The following POGZ variants were observed in gnomAD, a reference collection of about 807,000 sequenced individuals.
POGZ encodes the protein pogo transposable element derived with ZNF domain, also known as pogo transposable element with ZNF domain.
In POGZ, 17 loss-of-function variants were observed where a neutral mutation model predicts 134.6. The observed-to-expected ratio is 0.13, with a 90% CI of 0.09 to 0.19. The LOEUF (loss-of-function observed/expected upper bound fraction) is 0.19. Among genes scored for constraint, POGZ ranks in the 10% least tolerant of loss-of-function variants. The probability of loss-of-function intolerance (pLI) is 1.00; values close to 1 mark genes in which losing one functional copy is unlikely to be tolerated. For missense variants in POGZ, 1,306 were observed against 1,769.7 expected (o/e 0.74, Z 4.70); for synonymous variants, 693 against 657.1 (o/e 1.05, Z -0.84).
At chr1:151,456,497 T>C (rs1216889464) in intron 1 of POGZ, among the ~76,000 whole-genome samples, 1 of 152,224 alleles carries the variant, frequency 6.6e-6, no homozygotes, top group Non-Finnish European at 1.5e-5. Context: ...CAAGTAAAAA[T>C]GCTACTCCAT....
chr1:151,451,372 G>A (rs1172795927), intron 1 of POGZ, among the ~76,000 whole-genome samples: 3 of 151,426 alleles, frequency 2.0e-5, no homozygotes. Flanking sequence ...TGTTGCCCAG[G>A]CTGGAGCCCA....
chr1:151,427,461 A>T, intron 7 of POGZ: 1 of 262,092 alleles, frequency 3.8e-6, no homozygotes, highest in Non-Finnish European at 7.6e-6. Context: ...CCCCTGCTCT[A>T]GACCACTGAA....
At chr1:151,454,754 G>C (rs781520345) in intron 1 of POGZ, among the ~76,000 whole-genome samples, 1 of 152,172 alleles carries the variant, frequency 6.6e-6, no homozygotes, top group Non-Finnish European at 1.5e-5. Context: ...TTTTAACTCT[G>C]CTAACACCTA....
rs755164093 is a variant in POGZ at position 151,430,848 on chromosome 1, G to C, written c.284-7C>G. The C allele has an allele frequency of 3.9e-6, 6 of 1,535,842 alleles. No homozygotes were observed. The East Asian group carries it at 1.0e-4, about 26-fold the overall frequency. On this transcript the variant is annotated splice_region_variant and splice_polypyrimidine_tract_variant and intron_variant, in intron 3 of 18. Coordinates refer to ENST00000271715, the MANE Select transcript of POGZ (RefSeq NM_015100.4). Reference sequence around the variant, plus strand: ...TGGACCAAAGGATTGCCAGCTAAAGGGTAAAGGAAGAAAAAAAAAAAGGAA... The same window carrying C: ...TGGACCAAAGGATTGCCAGCTAAAGCGTAAAGGAAGAAAAAAAAAAAGGAA...
intron 3 of POGZ, among the ~76,000 whole-genome samples, chr1:151,434,803 TG>T (rs1169571904): frequency 6.6e-6 from 1 of 151,942 alleles, no homozygotes; most frequent in Non-Finnish European, 1.5e-5. Flanking sequence ...AGGATGGTCT[TG>T]ATCTCCTGAC....
At chr1:151,410,550 T>C (rs778562879) in intron 12 of POGZ, among the ~76,000 whole-genome samples, 7 of 152,216 alleles carry the variant, frequency 4.6e-5, no homozygotes, top group Non-Finnish European at 8.8e-5. Context: ...GCTTTATAGA[T>C]AAGGGACTTC....
rs1422723162 is a variant in POGZ at position 151,403,684 on chromosome 1, C to G, written c.*1118G>C. 1 of 985,708 alleles carries G rather than the reference C, an allele frequency of 1.0e-6. No homozygotes were observed. The highest frequency in any genetic ancestry group is 1.2e-6 in the Non-Finnish European group (1 of 829,922). 61.1% of individuals were successfully genotyped at this position (985,708 alleles called of 1,614,324 possible). A position where few individuals can be genotyped will look rare whatever the true frequency, so the allele number is the denominator to read the frequency against. ...GCGCTTCTTCCTGTCAGATTCTTCCCTAAGTATTAAGAGAAATAGGGGAAA... is the reference window on the plus strand; with the variant it reads ...GCGCTTCTTCCTGTCAGATTCTTCCGTAAGTATTAAGAGAAATAGGGGAAA... On this transcript the variant is annotated 3_prime_UTR_variant, in exon 19 of 19. Transcript: ENST00000271715.
At chr1:151,455,216 C>T (rs1481182918) in intron 1 of POGZ, 4 of 152,060 alleles carry the variant, frequency 2.6e-5, no homozygotes, top group African/African-American at 9.7e-5. Context: ...AAGGCATTAA[C>T]CAGCTCTAGG....
Position 151,404,074 on chromosome 1 carries a change from A to G in POGZ, c.*728T>C, listed in dbSNP as rs894135489. On this transcript the variant is annotated 3_prime_UTR_variant, in exon 19 of 19. Transcript: ENST00000271715. ...TTGGAGGGAAGGTGGTGAGGAAAAGACAAATCTATTCATTCTGGATAATTA... is the reference window on the plus strand; with the variant it reads ...TTGGAGGGAAGGTGGTGAGGAAAAGGCAAATCTATTCATTCTGGATAATTA... 3.0e-6 allele frequency: 3 copies of G among 985,436 alleles called. No homozygotes were observed. The African/African-American group carries it at 5.2e-5, about 17-fold the overall frequency. 61.0% of individuals were successfully genotyped at this position (985,436 alleles called of 1,614,324 possible).
chr1:151,441,948 G>A (rs1660601500), intron 2 of POGZ, 133 bp downstream of exon 2: 2 of 596,270 alleles, frequency 3.4e-6, no homozygotes, highest in Non-Finnish European at 5.8e-6. Flanking sequence ...TGGGAAAAAA[G>A]GCAGCACCAG....
In POGZ at chr1:151,428,043, T is replaced by A. The variant is rs1286148246; in HGVS notation, c.860-2A>T. The A allele has an allele frequency of 6.2e-7, 1 of 1,613,902 alleles. No individual in the cohort carries two copies. On this transcript the variant is annotated splice_acceptor_variant, in intron 6 of 18. Coordinates refer to ENST00000271715, the MANE Select transcript of POGZ (RefSeq NM_015100.4). LOFTEE classifies it high-confidence loss of function. ...CAGGTGGAGAGGGGAAGGAGGGAGCTACGGTGACCAAGTGATAATCATCTG... is the reference window on the plus strand; with the variant it reads ...CAGGTGGAGAGGGGAAGGAGGGAGCAACGGTGACCAAGTGATAATCATCTG...
In POGZ at chr1:151,404,384, G is replaced by T; in HGVS notation, c.*418C>A. 1.0e-6 allele frequency: 1 copy of T among 988,992 alleles called. No homozygotes were observed. The highest frequency in any genetic ancestry group is 4.6e-5 in the South Asian group (1 of 21,734). 61.3% of individuals were successfully genotyped at this position (988,992 alleles called of 1,614,324 possible). ...GATAGCATCATGCCCAAAGACATTG[G>T]CCACACAATAAAACAAACAAAAAAA... is the stretch of plus-strand genomic sequence containing the variant. On this transcript the variant is annotated 3_prime_UTR_variant, in exon 19 of 19. Coordinates refer to ENST00000271715, the MANE Select transcript of POGZ (RefSeq NM_015100.4).
At position 151,453,877 on chromosome 1, in the gene POGZ, T is replaced by G. The variant is rs560299156; in HGVS notation, c.-2+5275A>C. 2.0e-4 allele frequency among the ~76,000 whole-genome samples: 31 copies of G among 152,314 alleles called. 1 individual carries two copies. The highest frequency in any genetic ancestry group is 3.3e-4 in the Admixed American group (5 of 15,294). On this transcript the variant is annotated intron_variant, in intron 1 of 18. Transcript: ENST00000271715. ...TAAAGGCAAGATAAAAACAGACCTT[T>G]TAAAACAATATACTATTTAAAAGCA...
chr1:151,438,572 A>G (rs1381404530), intron 3 of POGZ, among the ~76,000 whole-genome samples: 2 of 152,078 alleles, frequency 1.3e-5, no homozygotes, highest in Non-Finnish European at 2.9e-5. Context: ...TCATCTCAGC[A>G]TGTCACAAGA....
intron 10 of POGZ, among the ~76,000 whole-genome samples, chr1:151,417,063 TAG>T (rs1436808198): frequency 6.6e-6 from 1 of 151,896 alleles, no homozygotes; most frequent in African/African-American, 2.4e-5. Context: ...TTAATTCTGT[TAG>T]ATCTTTTTTT....
Position 151,404,825 on chromosome 1 carries a change from C to G in POGZ, c.4210G>C (p.Asp1404His). The G allele has an allele frequency of 6.2e-7, 1 of 1,610,450 alleles. No individual in the cohort carries two copies. The highest frequency in any genetic ancestry group is 8.5e-7 in the Non-Finnish European group (1 of 1,178,118). The change falls in exon 19 of 19, where the codon GAC becomes CAC. Residue 1404 changes from aspartate to histidine, a missense_variant. Around this residue, in one of 10 missense-constraint regions of POGZ, gnomAD observed 107 missense variants for 97.9 expected, o/e 1.09. Coordinates refer to ENST00000271715, the MANE Select transcript of POGZ (RefSeq NM_015100.4). ...TESFYGFEEA[D>H]LDLMEI ...ACTCAAATCTCCATCAGATCTAGGTCAGCTTCTTCAAAGCCATAGAAAGAC... is the reference window on the plus strand; with the variant it reads ...ACTCAAATCTCCATCAGATCTAGGTGAGCTTCTTCAAAGCCATAGAAAGAC...
At chr1:151,433,349 T>G (rs2102321904) in intron 3 of POGZ, among the ~76,000 whole-genome samples, 1 of 152,322 alleles carries the variant, frequency 6.6e-6, no homozygotes, top group Non-Finnish European at 1.5e-5. Context: ...GGCTCATGCC[T>G]GTAATCCCAG....
At chr1:151,443,193 G>T (rs550000499) in intron 1 of POGZ, among the ~76,000 whole-genome samples, 15 of 152,238 alleles carry the variant, frequency 9.9e-5, no homozygotes, top group Admixed American at 3.3e-4. Context: ...CTTTTAAAAT[G>T]ATGCATTAAA....
chr1:151,437,635 C>T (rs935990595), intron 3 of POGZ, among the ~76,000 whole-genome samples: 1 of 151,944 alleles, frequency 6.6e-6, no homozygotes, highest in African/African-American at 2.4e-5. Context: ...GCCTGTAATC[C>T]CAGCTACTGG....
Sources: gnomAD v4.1 joint callset for allele counts (sites outside exome capture counted in the v4.1 genomes callset) on GRCh38, gnomAD v4.1.1 for gene constraint, gnomAD v4.1.1 regional missense constraint, MANE v1.5 for transcripts, NCBI Gene and HGNC (gene_info 2026-07-23, HGNC 2026-07-21) for gene names.